The following ASIC2 variants were observed in gnomAD, a reference collection of about 807,000 sequenced individuals.
The protein encoded by ASIC2 is acid-sensing ion channel 2.
ASIC2 carries 25 observed loss-of-function variants against 57.3 expected under a neutral mutation model. The ratio of observed to expected loss-of-function variants is 0.44; its 90% CI spans 0.32 to 0.61. The LOEUF is 0.61. Ranked by LOEUF, ASIC2 falls within the 20% of genes least tolerant of loss-of-function variation. The pLI, the probability that ASIC2 is intolerant of heterozygous loss-of-function variation, is 0.06. For synonymous variants in ASIC2, 319 were observed against 307.5 expected, an observed-to-expected ratio of 1.04 and a Z score of -0.39; for missense variants, 641 against 738.1, an observed-to-expected ratio of 0.87 and a Z score of 1.52.
At chr17:33,472,417 A>G (rs574164563) in intron 1 of ASIC2, among the ~76,000 whole-genome samples, 15 of 152,268 alleles carry the variant, frequency 9.9e-5, no homozygotes, top group South Asian at 2.1e-4. Context: ...ACAACCCTAG[A>G]AAGTAGGTAT....
In ASIC2 at chr17:34,000,265, T is replaced by TTTG. The variant is rs1208235634; in HGVS notation, c.555+155712_555+155713insCAA. On this transcript the variant is annotated intron_variant, in intron 1 of 9. Coordinates refer to the ASIC2 transcript ENST00000359872. ...GTGGAGATCTATTTTTTTTTTTTTT[T>TTTG]TTTGAGACAGAGTTTCACTCTTTTT... is the stretch of plus-strand genomic sequence containing the variant. Among the ~76,000 whole-genome samples the TTTG allele has an allele frequency of 4.0e-5, 6 of 151,106 alleles. No homozygotes were observed. The East Asian group carries it at 1.2e-3, about 29-fold the overall frequency.
intron 1 of ASIC2, chr17:33,827,772 C>A (rs1023716710): frequency 4.6e-5 from 7 of 152,040 alleles, no homozygotes; most frequent in Non-Finnish European, 8.8e-5. Flanking sequence ...GTTTGTTACA[C>A]AGATATACAT....
intron 1 of ASIC2, among the ~76,000 whole-genome samples, chr17:34,030,375 A>G (rs960956940): frequency 1.3e-5 from 2 of 152,220 alleles, no homozygotes; most frequent in African/African-American, 4.8e-5. Flanking sequence ...ATGTTTGAGG[A>G]GAAGCCAAGA....
At chr17:33,137,079 T>C (rs1024872572) in intron 1 of ASIC2, among the ~76,000 whole-genome samples, 13 of 152,216 alleles carry the variant, frequency 8.5e-5, no homozygotes, top group African/African-American at 2.4e-4. Context: ...CTAACAGTTA[T>C]TGTTCCTACA....
chr17:33,159,417 G>A (rs764255327), intron 1 of ASIC2, among the ~76,000 whole-genome samples: 39 of 152,144 alleles, frequency 2.6e-4, no homozygotes, highest in African/African-American at 7.5e-4. Flanking sequence ...CTGGTGAAGC[G>A]GGCTGTGGTC....
intron 1 of ASIC2, among the ~76,000 whole-genome samples, chr17:33,172,816 T>C (rs553400171): frequency 3.3e-5 from 5 of 152,316 alleles, no homozygotes; most frequent in Non-Finnish European, 4.4e-5. Context: ...TCCTCCTGAA[T>C]CAGAAACTGT....
At chr17:33,237,622 G>A (rs540949383) in intron 1 of ASIC2, among the ~76,000 whole-genome samples, 33 of 152,260 alleles carry the variant, frequency 2.2e-4, no homozygotes, top group South Asian at 1.5e-3. Context: ...GTGAGCCACC[G>A]CGCCCGGCCT....
chr17:33,633,422 C>T lies in ASIC2; in HGVS notation c.556-521355G>A, dbSNP rs186533189. On this transcript the variant is annotated intron_variant, in intron 1 of 9. Coordinates refer to the ASIC2 transcript ENST00000359872. Reference sequence around the variant, plus strand: ...AAGGAAGGACCGGTTAGAAAATAAACATCACAGCATTGACCCAATCCCAGT... The same window carrying T: ...AAGGAAGGACCGGTTAGAAAATAAATATCACAGCATTGACCCAATCCCAGT... Among the ~76,000 whole-genome samples, 183 of 152,308 alleles carry T rather than the reference C, an allele frequency of 1.2e-3. 1 individual carries two copies. The highest frequency in any genetic ancestry group is 5.6e-3 in the Admixed American group (85 of 15,306).
chr17:33,264,396 T>C (rs1331967127), intron 1 of ASIC2, among the ~76,000 whole-genome samples: 3 of 152,332 alleles, frequency 2.0e-5, no homozygotes, highest in East Asian at 3.9e-4. Flanking sequence ...GTGGAGCAAG[T>C]ATGACTATTC....
At chr17:33,650,226 G>T (rs556629418) in intron 1 of ASIC2, among the ~76,000 whole-genome samples, 79 of 152,284 alleles carry the variant, frequency 5.2e-4, no homozygotes, top group Non-Finnish European at 9.4e-4. Context: ...ATAAGCACAT[G>T]AAAAATGCTC....
chr17:33,490,120 A>T (rs1489921333), intron 1 of ASIC2, among the ~76,000 whole-genome samples: 2 of 152,276 alleles, frequency 1.3e-5, no homozygotes, highest in African/African-American at 2.4e-5. Context: ...ATTAGAATAC[A>T]GTCGTGTACA....
intron 1 of ASIC2, among the ~76,000 whole-genome samples, chr17:33,593,274 T>C (rs1053130950): frequency 6.6e-6 from 1 of 152,122 alleles, no homozygotes; most frequent in Non-Finnish European, 1.5e-5. Flanking sequence ...CTCTTTCCAG[T>C]GGTTTTGAAT....
chr17:33,116,624 A>T (rs1038438686), intron 1 of ASIC2, among the ~76,000 whole-genome samples: 1 of 152,066 alleles, frequency 6.6e-6, no homozygotes, highest in African/African-American at 2.4e-5. Flanking sequence ...TCAAACCTGG[A>T]TCTCCAGGAA....
chr17:33,946,598 C>A (rs1233948834), intron 1 of ASIC2, among the ~76,000 whole-genome samples: 1 of 152,216 alleles, frequency 6.6e-6, no homozygotes. Context: ...GACATGTTCA[C>A]TGCCTTCTAG....
At position 33,021,238 on chromosome 17, in the gene ASIC2, A is replaced by G; in HGVS notation, c.1422T>C (p.Tyr474=). The G allele has an allele frequency of 1.2e-6, 2 of 1,612,348 alleles. No individual in the cohort carries two copies. Among genetic ancestry groups the G allele is most frequent in the Non-Finnish European group, 1.7e-6 (2 of 1,179,696 alleles). ...ACTTACCAAGTAAGGCAGCAACTTC[A>G]TACGCCTTCTTCTGTTCAATTGTCT... ...NYETIEQKKA[Y]EVAALLGDIG... is the part of the protein sequence containing the mutation. The change falls in exon 7 of 10, where the codon TAT becomes TAC. Residue 474 remains tyrosine, a synonymous_variant. Coordinates refer to ENST00000225823, the MANE Select transcript of ASIC2 (RefSeq NM_183377.2).
chr17:33,534,549 C>T (rs551086068), intron 1 of ASIC2: 1 of 152,348 alleles, frequency 6.6e-6, no homozygotes, highest in South Asian at 2.1e-4. Context: ...AGGAAACAGA[C>T]ATTCATGTGC....
At chr17:33,495,818 G>A (rs975970227) in intron 1 of ASIC2, among the ~76,000 whole-genome samples, 2 of 152,170 alleles carry the variant, frequency 1.3e-5, no homozygotes, top group Admixed American at 6.5e-5. Flanking sequence ...ACATCCACCA[G>A]CCTTAGGGAT....
At position 34,117,725 on chromosome 17, in the gene ASIC2, G is replaced by A. The variant is rs531387883; in HGVS notation, c.555+38253C>T. Among the ~76,000 whole-genome samples the A allele has an allele frequency of 3.8e-4, 58 of 152,242 alleles. No homozygotes were observed. In the Middle Eastern group the frequency reaches 0.017, roughly 45 times the overall value. ...GATACAATTGGCAGGACTGGTGATG[G>A]ATTATTTGGGGGTGGGGCCTTAACA... On this transcript the variant is annotated intron_variant, in intron 1 of 9. Transcript: ENST00000359872.
chr17:33,579,936 T>C (rs574081392), intron 1 of ASIC2: 115 of 152,226 alleles, frequency 7.6e-4, no homozygotes, highest in African/African-American at 2.7e-3. Flanking sequence ...ATTGGTCCAT[T>C]TTTCAGAATG....
Sources: allele counts gnomAD v4.1 joint callset (sites outside exome capture counted in the v4.1 genomes callset), GRCh38; gene constraint gnomAD v4.1.1; transcripts MANE v1.5; gene names NCBI Gene and HGNC (gene_info 2026-07-23, HGNC 2026-07-21).